Variants in MAGI2 observed in about 807,000 individuals in gnomAD.
The protein encoded by MAGI2 is membrane-associated guanylate kinase, WW and PDZ domain-containing protein 2.
Under a neutral mutation model 133.3 loss-of-function variants are expected in MAGI2, and 35 were observed. The observed-to-expected ratio is 0.26, with a 90% CI of 0.20 to 0.35. The LOEUF is 0.35. Among genes scored for constraint, MAGI2 ranks in the 10% least tolerant of loss-of-function variants. The pLI, the probability that MAGI2 is intolerant of heterozygous loss-of-function variation, is 1.00. For missense variants in MAGI2, 1,636 were observed against 1,863.4 expected, an observed-to-expected ratio of 0.88 and a Z score of 2.25; for synonymous variants, 729 against 710.6, an observed-to-expected ratio of 1.03 and a Z score of -0.41.
intron 13 of MAGI2, among the ~76,000 whole-genome samples, chr7:78,178,736 T>C (rs1037502771): frequency 6.6e-6 from 1 of 152,138 alleles, no homozygotes; most frequent in African/African-American, 2.4e-5. Context: ...TCCTTTAGGG[T>C]TTTTATAACT....
At chr7:78,527,324 G>T (rs2150607065) in intron 3 of MAGI2, among the ~76,000 whole-genome samples, 1 of 152,224 alleles carries the variant, frequency 6.6e-6, no homozygotes, top group South Asian at 2.1e-4. Context: ...TGAAACCATT[G>T]TGGAATTATT....
intron 1 of MAGI2, among the ~76,000 whole-genome samples, chr7:79,087,643 T>C (rs1431836478): frequency 1.3e-5 from 2 of 152,070 alleles, no homozygotes; most frequent in Non-Finnish European, 2.9e-5. Context: ...TACGTTTAAG[T>C]ATTTAATTCA....
chr7:78,694,021 G>A (rs1420091008), intron 2 of MAGI2, among the ~76,000 whole-genome samples: 1 of 152,146 alleles, frequency 6.6e-6, no homozygotes, highest in Non-Finnish European at 1.5e-5. Flanking sequence ...TTTGGAAACA[G>A]ACAGATTTAA....
At chr7:78,443,306 G>A (rs779148099) in intron 6 of MAGI2, among the ~76,000 whole-genome samples, 109 of 152,114 alleles carry the variant, frequency 7.2e-4, no homozygotes, top group Non-Finnish European at 1.4e-3. Context: ...CTGGGGAGTT[G>A]CACTGGAGAA....
Position 79,364,586 on chromosome 7 carries a change from A to G in MAGI2, c.301+88434T>C, listed in dbSNP as rs940877549. Among the ~76,000 whole-genome samples the G allele has an allele frequency of 3.3e-5, 5 of 152,190 alleles. No individual in the cohort carries two copies. The East Asian group carries it at 9.7e-4, about 29-fold the overall frequency. On this transcript the variant is annotated intron_variant, in intron 1 of 21. Transcript: ENST00000354212. The stretch of plus-strand genomic sequence containing the variant: ...CTTAGACTGAGGGTCTTGGGTGAAG[A>G]GATAGACATATAGATCAATAAAACA...
At chr7:78,918,430 C>T (rs1798964215) in intron 2 of MAGI2, among the ~76,000 whole-genome samples, 1 of 152,090 alleles carries the variant, frequency 6.6e-6, no homozygotes, top group African/African-American at 2.4e-5. Flanking sequence ...ATTTGACATC[C>T]ACAACACAAA....
intron 3 of MAGI2, among the ~76,000 whole-genome samples, chr7:78,528,059 C>T (rs906236450): frequency 6.6e-6 from 1 of 152,282 alleles, no homozygotes; most frequent in East Asian, 1.9e-4. Context: ...GAGATGATTG[C>T]CTGCAGGACC....
At chr7:78,639,933 T>C (rs1056513518) in intron 2 of MAGI2, among the ~76,000 whole-genome samples, 1 of 152,182 alleles carries the variant, frequency 6.6e-6, no homozygotes, top group African/African-American at 2.4e-5. Flanking sequence ...TTTCAGCCTG[T>C]AGATAACTGC....
intron 6 of MAGI2, among the ~76,000 whole-genome samples, chr7:78,392,315 T>C (rs1212654129): frequency 2.0e-5 from 3 of 151,952 alleles, no homozygotes; most frequent in Admixed American, 6.6e-5. Context: ...AGGCAAAAAA[T>C]AGAAGTGGGG....
chr7:78,688,638 A>C lies in MAGI2; in HGVS notation c.419-61399T>G, dbSNP rs189563069. 2.6e-5 allele frequency among the ~76,000 whole-genome samples: 4 copies of C among 152,354 alleles called. No individual in the cohort carries two copies. The East Asian group carries it at 5.8e-4, about 22-fold the overall frequency. ...AGTGTAAGAATGTACAATGAAAAGCATGAACACTTTTATCAGTGCGAGGTG... is the reference window on the plus strand; with the variant it reads ...AGTGTAAGAATGTACAATGAAAAGCCTGAACACTTTTATCAGTGCGAGGTG... On this transcript the variant is annotated intron_variant, in intron 2 of 21. Coordinates refer to ENST00000354212, the MANE Select transcript of MAGI2 (RefSeq NM_012301.4).
intron 3 of MAGI2, among the ~76,000 whole-genome samples, chr7:78,536,182 G>A (rs1023682569): frequency 8.1e-6 from 1 of 123,868 alleles, no homozygotes; most frequent in Non-Finnish European, 1.6e-5. Context: ...GCGGGATCTC[G>A]GCTCACTGCA....
At chr7:78,911,995 C>T (rs1798435811) in intron 2 of MAGI2, among the ~76,000 whole-genome samples, 1 of 152,054 alleles carries the variant, frequency 6.6e-6, no homozygotes, top group Admixed American at 6.6e-5. Flanking sequence ...AGGATATTAT[C>T]CTTAGCAAAC....
intron 3 of MAGI2, among the ~76,000 whole-genome samples, chr7:78,574,808 C>T (rs1432218056): frequency 6.6e-6 from 1 of 152,182 alleles, no homozygotes; most frequent in Non-Finnish European, 1.5e-5. Context: ...AATTCAATTT[C>T]AAATGTTAGG....
intron 6 of MAGI2, among the ~76,000 whole-genome samples, chr7:78,415,032 G>T (rs866472671): frequency 6.6e-6 from 1 of 152,036 alleles, no homozygotes; most frequent in Non-Finnish European, 1.5e-5. Context: ...TCATAAAAAG[G>T]TCCAACTTAG....
At chr7:79,042,833 G>T (rs1010968312) in intron 1 of MAGI2, among the ~76,000 whole-genome samples, 6 of 151,838 alleles carry the variant, frequency 4.0e-5, no homozygotes, top group Non-Finnish European at 8.8e-5. Flanking sequence ...CCACATAATT[G>T]GCCATAAAAC....
intron 21 of MAGI2, among the ~76,000 whole-genome samples, chr7:78,045,375 C>G (rs957395417): frequency 6.6e-6 from 1 of 151,940 alleles, no homozygotes; most frequent in African/African-American, 2.4e-5. Context: ...CTATCCATAT[C>G]CTTAAGTTAG....
At chr7:78,983,187 A>G (rs1165302735) in intron 2 of MAGI2, among the ~76,000 whole-genome samples, 4 of 152,096 alleles carry the variant, frequency 2.6e-5, no homozygotes, top group East Asian at 3.9e-4. Flanking sequence ...TGAAAAGTAC[A>G]TATGTGGCTT....
intron 1 of MAGI2, among the ~76,000 whole-genome samples, chr7:79,195,090 C>G (rs1285859146): frequency 6.6e-6 from 1 of 151,900 alleles, no homozygotes; most frequent in East Asian, 1.9e-4. Context: ...ACTCAATTAC[C>G]ACTTTTTTGT....
intron 3 of MAGI2, among the ~76,000 whole-genome samples, chr7:78,582,067 G>A (rs1802892438): frequency 6.6e-6 from 1 of 152,190 alleles, no homozygotes. Flanking sequence ...GGGATGATGA[G>A]AGTGACTTTC....
Sources: allele counts gnomAD v4.1 joint callset (sites outside exome capture counted in the v4.1 genomes callset), GRCh38; gene constraint gnomAD v4.1.1; transcripts MANE v1.5; gene names NCBI Gene and HGNC (gene_info 2026-07-23, HGNC 2026-07-21).